Variants in CEACAM16 observed in about 807,000 individuals in gnomAD.
CEACAM16 encodes the protein cell adhesion molecule CEACAM16.
Under a neutral mutation model 39.4 loss-of-function variants are expected in CEACAM16, and 30 were observed. That is an observed-to-expected ratio of 0.76 (90% CI 0.57 to 1.03). The LOEUF (loss-of-function observed/expected upper bound fraction) is 1.03, where lower values mean the gene tolerates loss of function less well. Among genes scored for constraint, CEACAM16 ranks in the 50% least tolerant of loss-of-function variants. CEACAM16 has a pLI of 0.00. For synonymous variants in CEACAM16, 262 were observed against 264.9 expected (o/e 0.99, Z 0.11); for missense variants, 521 against 585.3 (o/e 0.89, Z 1.13).
chr19:44,710,664 T>A lies in CEACAM16; in HGVS notation c.*158T>A. 6 of 1,009,228 alleles carry A rather than the reference T, an allele frequency of 5.9e-6. No individual in the cohort carries two copies. The highest frequency in any genetic ancestry group is 8.9e-6 in the Non-Finnish European group (6 of 673,906). 62.5% of individuals were successfully genotyped at this position (1,009,228 alleles called of 1,614,324 possible). ...TAGAGCTAGAGCCACAGGGCCCCAC[T>A]CCCTCGCTGAGCTGTTGGGGAGCCA... On this transcript the variant is annotated 3_prime_UTR_variant, in exon 7 of 7. Coordinates refer to ENST00000587331, the MANE Select transcript of CEACAM16 (RefSeq NM_001039213.4).
chr19:44,699,430 A>G (rs1340329069), intron 1 of CEACAM16, 170 bp downstream of exon 1: 2 of 468,336 alleles, frequency 4.3e-6, no homozygotes, highest in Non-Finnish European at 8.8e-6. Flanking sequence ...CAGAGCCTAT[A>G]CTTTTTTTTT....
Position 44,705,737 on chromosome 19 carries a change from C to A in CEACAM16, c.809C>A (p.Ala270Asp). 1 of 1,614,028 alleles carries A rather than the reference C, an allele frequency of 6.2e-7. No homozygotes were observed. The highest frequency in any genetic ancestry group is 8.5e-7 in the Non-Finnish European group (1 of 1,179,896). The change falls in exon 5 of 7, where the codon GCC becomes GAC. Residue 270 changes from alanine (A) to aspartate (D), a missense_variant. Physicochemically the swap from Ala to Asp is moderately radical, Grantham distance 126. Coordinates refer to ENST00000587331, the MANE Select transcript of CEACAM16 (RefSeq NM_001039213.4). ...TATGTGTGGACCTTCAACGGGCAGG[C>A]CCTAAAGAACGGCCAAGACCACCTC... The part of the protein sequence containing the change: ...PEYVWTFNGQ[A>D]LKNGQDHLNI...
intron 5 of CEACAM16, among the ~76,000 whole-genome samples, chr19:44,706,269 T>TACACACACACACAC (rs57354088): frequency 1.0e-3 from 134 of 132,702 alleles, no homozygotes; most frequent in Middle Eastern, 3.7e-3. Context: ...ATGATGGGTA[T>TACACACACACACAC]ACACACACAC....
At chr19:44,707,790 G>A in intron 5 of CEACAM16, 71 bp from the exon 6 acceptor site, 2 of 1,354,842 alleles carry the variant, frequency 1.5e-6, no homozygotes, top group Admixed American at 2.8e-5. Context: ...GGGGAGGCCA[G>A]CAAGGGTTGG....
chr19:44,700,476 G>A (rs572895518), intron 1 of CEACAM16, among the ~76,000 whole-genome samples: 4 of 151,066 alleles, frequency 2.6e-5, no homozygotes, highest in Non-Finnish European at 5.9e-5. Context: ...ATGGGGTTTC[G>A]CCATGTTGGC....
In CEACAM16 at chr19:44,702,915, A is replaced by G. The variant is rs369172586; in HGVS notation, c.38-434A>G. On this transcript the variant is annotated intron_variant, in intron 2 of 6. Transcript: ENST00000587331. Reference sequence around the variant, plus strand: ...AGATGTGATGCTAGATCCTTGGCACAGTCCATCAGACCCAATCCTCACAAC... The same window carrying G: ...AGATGTGATGCTAGATCCTTGGCACGGTCCATCAGACCCAATCCTCACAAC... Among the ~76,000 whole-genome samples, 20 of 152,352 alleles carry G rather than the reference A, an allele frequency of 1.3e-4. No homozygotes were observed. In the South Asian group the frequency reaches 3.7e-3, roughly 28 times the overall value.
chr19:44,699,326 T>C (rs769417574), intron 1 of CEACAM16, 66 bp downstream of exon 1: 2 of 529,808 alleles, frequency 3.8e-6, no homozygotes, highest in Non-Finnish European at 7.8e-6. Flanking sequence ...GTGAGTACTA[T>C]TGTTTTCCCT....
chr19:44,704,106 C>A lies in CEACAM16; in HGVS notation c.471C>A (p.Ser157Arg). 1.2e-6 allele frequency: 2 copies of A among 1,602,824 alleles called. No individual in the cohort carries two copies. Among genetic ancestry groups the A allele is most frequent in the East Asian group, 2.3e-5 (1 of 44,048 alleles). ...TGCGCCTTATGTGCAGCAGCCCCAG[C>A]CCCACCGCCGAGGTCCGCTGGTTCT... ...DTLRLMCSSPSPTAEVRWFFN... is the reference protein window; with the variant it reads ...DTLRLMCSSPRPTAEVRWFFN... Residue 157 changes from serine (S) to arginine (R), a missense_variant, in exon 4 of 7, where the codon AGC becomes AGA. Coordinates refer to ENST00000587331, the MANE Select transcript of CEACAM16 (RefSeq NM_001039213.4).
In CEACAM16 at chr19:44,703,434, C is replaced by T. The variant is rs747315430; in HGVS notation, c.123C>T (p.Val41=). 3.1e-6 allele frequency: 5 copies of T among 1,613,884 alleles called. No individual in the cohort carries two copies. The highest frequency in any genetic ancestry group is 4.2e-6 in the Non-Finnish European group (5 of 1,179,908). Residue 41 remains valine (V), a synonymous_variant, in exon 3 of 7, where the codon GTC becomes GTT. Transcript: ENST00000587331. ...AAGGGGACAACGTCACGCTGGTCGT[C>T]CATGGGCTTTCGGGGGAACTGCTCG... ...PSEGDNVTLV[V]HGLSGELLAY...
chr19:44,705,902 C>T, intron 5 of CEACAM16, 34 bp downstream of exon 5: 2 of 1,588,504 alleles, frequency 1.3e-6, no homozygotes, highest in Non-Finnish European at 1.7e-6. Flanking sequence ...CCCCCCAGTC[C>T]CCATGGAGGC....
Position 44,701,473 on chromosome 19 carries a change from A to G in CEACAM16, c.17A>G (p.Tyr6Cys). 1.3e-6 allele frequency: 2 copies of G among 1,566,246 alleles called. No homozygotes were observed. The highest frequency in any genetic ancestry group is 1.4e-5 in the African/African-American group (1 of 73,784). The part of the protein sequence containing the change: MALTG[Y>C]SWLLLSATFL... ...GGGTGAAAGATGGCGCTGACTGGGT[A>G]CAGCTGGCTGCTCCTCAGTGGTGAG... Residue 6 changes from tyrosine (Y) to cysteine (C), a missense_variant, in exon 2 of 7, where the codon TAC becomes TGC. Transcript: ENST00000587331. The surrounding 1 kb of genome is among the most constrained non-coding windows in gnomAD (Gnocchi z 4.0).
chr19:44,701,409 A>G lies in CEACAM16; in HGVS notation c.-48A>G, dbSNP rs1009726256. ...CCCCAACCAGGAAGGGAGTCCGAGC[A>G]CTGGGACTTCAACGCCACCATCTCC... On this transcript the variant is annotated 5_prime_UTR_variant, in exon 2 of 7. Transcript: ENST00000587331. The surrounding 1 kb of genome is among the most constrained non-coding windows in gnomAD (Gnocchi z 4.0). 1.3e-6 allele frequency: 2 copies of G among 1,550,630 alleles called. No individual in the cohort carries two copies. Among genetic ancestry groups the G allele is most frequent in the African/African-American group, 1.4e-5 (1 of 73,098 alleles).
rs759768646 is a variant in CEACAM16, at chr19:44,708,199, G to A, written c.1267+12G>A. The A allele has an allele frequency of 6.5e-7, 1 of 1,548,930 alleles. No homozygotes were observed. The highest frequency in any genetic ancestry group is 8.8e-7 in the Non-Finnish European group (1 of 1,139,300). ...GCTGCAGGTGGCCCGTGAGTGTGTGGGAAGGGGCAAGGCGTGCCCCTTTTT... is the reference window on the plus strand; with the variant it reads ...GCTGCAGGTGGCCCGTGAGTGTGTGAGAAGGGGCAAGGCGTGCCCCTTTTT... On this transcript the variant is annotated intron_variant, in intron 6 of 6. Coordinates refer to ENST00000587331, the MANE Select transcript of CEACAM16 (RefSeq NM_001039213.4).
chr19:44,708,210 G>C (rs937846445), intron 6 of CEACAM16, 23 bp downstream of exon 6: 6 of 1,508,474 alleles, frequency 4.0e-6, no homozygotes, highest in Admixed American at 2.1e-5. Context: ...GAAGGGGCAA[G>C]GCGTGCCCCT....
chr19:44,707,126 G>A (rs1974462087), intron 5 of CEACAM16, among the ~76,000 whole-genome samples: 1 of 152,234 alleles, frequency 6.6e-6, no homozygotes, highest in East Asian at 1.9e-4. Flanking sequence ...CTGATGGGGA[G>A]ACTTGGTCTC....
intron 5 of CEACAM16, among the ~76,000 whole-genome samples, chr19:44,706,793 G>A (rs746828076): frequency 1.3e-5 from 2 of 152,206 alleles, no homozygotes; most frequent in African/African-American, 4.8e-5. Flanking sequence ...GTATGTGCAG[G>A]GAGTGGATAC....
intron 2 of CEACAM16, among the ~76,000 whole-genome samples, chr19:44,702,249 C>CACCA (rs1974358805): frequency 6.6e-6 from 1 of 151,594 alleles, no homozygotes; most frequent in African/African-American, 2.4e-5. Context: ...GCCGAGACTG[C>CACCA]ACCACTGCAC....
chr19:44,700,713 CAG>C (rs1568525636), intron 1 of CEACAM16, among the ~76,000 whole-genome samples: 1 of 152,204 alleles, frequency 6.6e-6, no homozygotes, highest in African/African-American at 2.4e-5. Flanking sequence ...GCCCATTTGA[CAG>C]AGAGGGGAAA....
intron 5 of CEACAM16, 46 bp from the exon 6 acceptor site, chr19:44,707,815 G>A: frequency 1.4e-6 from 2 of 1,446,458 alleles, no homozygotes; most frequent in Non-Finnish European, 1.8e-6. Context: ...GGGACACCAT[G>A]CCAGATGCAG....
Sources: gnomAD v4.1 joint callset for allele counts (sites outside exome capture counted in the v4.1 genomes callset) on GRCh38, gnomAD v4.1.1 for gene constraint, Gnocchi (gnomAD v3.1) non-coding constraint, MANE v1.5 for transcripts, NCBI Gene and HGNC (gene_info 2026-07-23, HGNC 2026-07-21) for gene names.